Variants in KIAA0825 observed in about 807,000 individuals in gnomAD.
The protein encoded by KIAA0825 is KIAA0825.
KIAA0825 carries 119 observed loss-of-function variants against 147.6 expected under a neutral mutation model. The ratio of observed to expected loss-of-function variants is 0.81; its 90% CI spans 0.69 to 0.94. KIAA0825 has a LOEUF of 0.94. KIAA0825 is among the 40% of genes least tolerant of loss of function. The pLI is 0.00. For missense variants in KIAA0825, 1,381 were observed against 1,472.7 expected (o/e 0.94, Z 1.02); for synonymous variants, 470 against 518.1 (o/e 0.91, Z 1.26).
chr5:94,566,728 A>T (rs1189441881), intron 2 of KIAA0825, among the ~76,000 whole-genome samples: 2 of 152,144 alleles, frequency 1.3e-5, no homozygotes, highest in African/African-American at 4.8e-5. Flanking sequence ...TATATAGATT[A>T]TAATATTTTT....
intron 20 of KIAA0825, among the ~76,000 whole-genome samples, chr5:94,377,664 G>C (rs916495973): frequency 1.3e-5 from 2 of 152,146 alleles, no homozygotes; most frequent in African/African-American, 4.8e-5. Flanking sequence ...CAAAAGTAAA[G>C]GTGTAGAACT....
chr5:94,397,318 C>T (rs749761108), intron 16 of KIAA0825, among the ~76,000 whole-genome samples: 2 of 152,174 alleles, frequency 1.3e-5, no homozygotes, highest in African/African-American at 4.8e-5. Flanking sequence ...CTATTAACAT[C>T]GCTTAGATGT....
chr5:94,532,327 T>A (rs901892106), intron 3 of KIAA0825, among the ~76,000 whole-genome samples: 1 of 151,974 alleles, frequency 6.6e-6, no homozygotes, highest in Non-Finnish European at 1.5e-5. Context: ...TTGTTTTTGT[T>A]TTTTGTAGAG....
At chr5:94,219,564 T>C (rs903599553) in intron 20 of KIAA0825, among the ~76,000 whole-genome samples, 1 of 152,012 alleles carries the variant, frequency 6.6e-6, no homozygotes, top group Non-Finnish European at 1.5e-5. Context: ...AACTTCATCA[T>C]TGAACATCAT....
At chr5:94,264,930 G>A (rs1025573999) in intron 20 of KIAA0825, among the ~76,000 whole-genome samples, 4 of 151,808 alleles carry the variant, frequency 2.6e-5, no homozygotes, top group East Asian at 1.9e-4. Context: ...TTACAGGCGC[G>A]TACCACCATG....
chr5:94,381,908 C>T (rs919379383), intron 20 of KIAA0825, among the ~76,000 whole-genome samples: 9 of 152,184 alleles, frequency 5.9e-5, no homozygotes, highest in East Asian at 1.9e-4. Flanking sequence ...GAAGACAAGG[C>T]ACAAATGAAT....
chr5:94,607,535 C>T lies in KIAA0825; in HGVS notation c.-153+10965G>A, dbSNP rs547703660. On this transcript the variant is annotated intron_variant, in intron 1 of 20. Coordinates refer to ENST00000682413, the MANE Select transcript of KIAA0825 (RefSeq NM_001145678.3). ...GAGGCAGGAGAATAGCTTGAACCCA[C>T]GAGACGGAGGTTGTAGTGAGCCAAG... Among the ~76,000 whole-genome samples the T allele has an allele frequency of 1.1e-3, 170 of 152,168 alleles. 1 individual carries two copies. Among genetic ancestry groups the T allele is most frequent in the African/African-American group, 3.9e-3 (162 of 41,510 alleles).
intron 16 of KIAA0825, 42 bp from the exon 17 acceptor site, chr5:94,396,551 C>A: frequency 7.0e-7 from 1 of 1,422,608 alleles, no homozygotes; most frequent in South Asian, 1.5e-5. Flanking sequence ...TTAGCATTTG[C>A]GTTCAATCAC....
rs1028396495 is a variant in KIAA0825 at position 94,506,285 on chromosome 5, T to C, written c.970+13963A>G. Among the ~76,000 whole-genome samples the C allele has an allele frequency of 2.0e-5, 3 of 152,240 alleles. 1 individual carries two copies. Among genetic ancestry groups the C allele is most frequent in the Non-Finnish European group, 2.9e-5 (2 of 68,028 alleles). On this transcript the variant is annotated intron_variant, in intron 5 of 20. Transcript: ENST00000682413. ...CACTGTTGGAGGTAGTTAACTTTAA[T>C]GCTAACATAAATACAGGTTAGCTAC...
At chr5:94,576,016 G>C (rs1053774884) in intron 2 of KIAA0825, among the ~76,000 whole-genome samples, 1 of 152,130 alleles carries the variant, frequency 6.6e-6, no homozygotes, top group African/African-American at 2.4e-5. Context: ...TAGCAAATTA[G>C]TGTTAGACAT....
Position 94,396,138 on chromosome 5 carries a change from G to C in KIAA0825, c.3259C>G (p.Arg1087Gly), listed in dbSNP as rs1175421668. The change falls in exon 17 of 21, where the codon CGT becomes GGT. Residue 1087 changes from arginine (R) to glycine (G), a missense_variant. Physicochemically the swap from Arg to Gly is moderately radical, Grantham distance 125. Transcript: ENST00000682413. The part of the protein sequence containing the change: ...IEQQKPNWIE[R>G]QLLKARKLST... ...AGTTTCCTTGCTTTCAACAATTGAC[G>C]TTCAATCCAGTTGGGCTTCTGCTGC... 2 of 1,513,960 alleles carry C rather than the reference G, an allele frequency of 1.3e-6. No individual in the cohort carries two copies. 93.8% of individuals were successfully genotyped at this position (1,513,960 alleles called of 1,614,324 possible).
At chr5:94,608,265 G>T (rs866889990) in intron 1 of KIAA0825, among the ~76,000 whole-genome samples, 1 of 122,236 alleles carries the variant, frequency 8.2e-6, no homozygotes, top group Non-Finnish European at 1.8e-5. Context: ...TTATTTATTT[G>T]TTTATTTATT....
intron 15 of KIAA0825, chr5:94,414,797 A>G (rs1281641888): frequency 6.6e-6 from 1 of 152,298 alleles, no homozygotes; most frequent in Non-Finnish European, 1.5e-5. Flanking sequence ...GTGGGTGAGC[A>G]TTACTGCTTG....
chr5:94,522,033 A>G (rs1342164895), intron 4 of KIAA0825, among the ~76,000 whole-genome samples: 4 of 151,784 alleles, frequency 2.6e-5, no homozygotes, highest in African/African-American at 9.7e-5. Flanking sequence ...ATTATACCCA[A>G]TAATTATACC....
At chr5:94,352,250 C>T (rs1265492534) in intron 20 of KIAA0825, among the ~76,000 whole-genome samples, 2 of 152,006 alleles carry the variant, frequency 1.3e-5, no homozygotes, top group African/African-American at 4.8e-5. Context: ...CATCAAAAAG[C>T]GGGCTAAGGA....
chr5:94,397,649 C>G (rs1359013011), intron 16 of KIAA0825, among the ~76,000 whole-genome samples: 1 of 152,102 alleles, frequency 6.6e-6, no homozygotes, highest in Non-Finnish European at 1.5e-5. Context: ...CTTCTATGTT[C>G]TGTAGGGTGT....
intron 2 of KIAA0825, among the ~76,000 whole-genome samples, chr5:94,541,578 C>A (rs10056742): frequency 0.11 from 16,155 of 152,150 alleles, 2,872 homozygotes; most frequent in African/African-American, 0.37. Flanking sequence ...GCTAAAGTTA[C>A]AGGGGTATTA....
chr5:94,541,406 T>C (rs530467298), intron 2 of KIAA0825, among the ~76,000 whole-genome samples: 2 of 152,324 alleles, frequency 1.3e-5, no homozygotes, highest in South Asian at 4.1e-4. Context: ...AGAATATGCT[T>C]TTGGTAAAAG....
intron 2 of KIAA0825, among the ~76,000 whole-genome samples, chr5:94,548,810 A>T (rs1774964489): frequency 6.6e-6 from 1 of 152,178 alleles, no homozygotes; most frequent in East Asian, 1.9e-4. Context: ...ATTTCAAGAC[A>T]AAAACTGTAA....
Sources: allele counts gnomAD v4.1 joint callset (sites outside exome capture counted in the v4.1 genomes callset), GRCh38; gene constraint gnomAD v4.1.1; transcripts MANE v1.5; gene names NCBI Gene and HGNC (gene_info 2026-07-23, HGNC 2026-07-21).